DOCK9: variants seen among roughly 807,000 people sequenced by gnomAD.
DOCK9 encodes dedicator of cytokinesis 9.
In DOCK9, 89 loss-of-function variants were observed where a neutral mutation model predicts 263.3. The observed-to-expected ratio is 0.34, with a 90% CI of 0.28 to 0.40. The LOEUF (loss-of-function observed/expected upper bound fraction) is 0.40. DOCK9 is among the 10% of genes least tolerant of loss of function. DOCK9 has a pLI of 1.00. For missense variants in DOCK9, 2,140 were observed against 2,603.4 expected (o/e 0.82, Z 3.87); for synonymous variants, 976 against 973.1 (o/e 1.00, Z -0.06).
chr13:98,881,801 T>A, intron 24 of DOCK9, 91 bp downstream of exon 24: 1 of 1,303,648 alleles, frequency 7.7e-7, no homozygotes, highest in Non-Finnish European at 1.1e-6. Context: ...AATGTAATGT[T>A]CAGCACACAG....
At chr13:99,053,003 C>T (rs1008043015) in intron 1 of DOCK9, among the ~76,000 whole-genome samples, 5 of 152,110 alleles carry the variant, frequency 3.3e-5, no homozygotes, top group Non-Finnish European at 5.9e-5. Context: ...AGTAGGGATT[C>T]GCCGTTGGGA....
At chr13:98,950,216 A>G in intron 2 of DOCK9, 1 of 1,045,760 alleles carries the variant, frequency 9.6e-7, no homozygotes, top group Non-Finnish European at 1.4e-6. Flanking sequence ...GGCAATTCCA[A>G]GGCATGAGGT....
intron 1 of DOCK9, among the ~76,000 whole-genome samples, chr13:98,984,371 G>A (rs1334340400): frequency 6.6e-6 from 1 of 152,200 alleles, no homozygotes; most frequent in Non-Finnish European, 1.5e-5. Flanking sequence ...TCAGTAAATG[G>A]ATCATTTGAA....
intron 39 of DOCK9, chr13:98,833,038 C>A (rs758795307): frequency 2.6e-5 from 4 of 152,000 alleles, no homozygotes; most frequent in African/African-American, 4.8e-5. Context: ...GGCAGAACAC[C>A]TGGAATTCAC....
chr13:98,892,498 T>TA (rs924451022), intron 15 of DOCK9, among the ~76,000 whole-genome samples: 21 of 151,242 alleles, frequency 1.4e-4, no homozygotes, highest in South Asian at 4.2e-4. Flanking sequence ...TGGTGTCACT[T>TA]AAAAAAAAAC....
intron 15 of DOCK9, among the ~76,000 whole-genome samples, chr13:98,890,930 T>A (rs2046522871): frequency 6.6e-6 from 1 of 152,220 alleles, no homozygotes; most frequent in Admixed American, 6.5e-5. Context: ...AAATGAACAG[T>A]TCCTGAAAGA....
chr13:98,903,219 C>T lies in DOCK9; in HGVS notation c.1036-107G>A, dbSNP rs139142615. 3.5e-6 allele frequency: 3 copies of T among 861,140 alleles called. No homozygotes were observed. In the Admixed American group the frequency reaches 1.0e-4, roughly 30 times the overall value. The allele number at this position is 861,140 out of a possible 1,614,324, so 53.3% of individuals were successfully genotyped here. On this transcript the variant is annotated intron_variant, in intron 10 of 52. Transcript: ENST00000682017. ...ATAAAATATGGAAAAGCTATATACA[C>T]TTATTTACTCACAATAGTGTTGCTA... is the stretch of plus-strand genomic sequence containing the variant.
In DOCK9 at chr13:98,810,844, T is replaced by C. The variant is rs368436214; in HGVS notation, c.5131-553A>G. On this transcript the variant is annotated intron_variant, in intron 45 of 52. Coordinates refer to ENST00000682017, the MANE Select transcript of DOCK9 (RefSeq NM_001366683.2). ...CTTTGGAGGAAGTTAACACTACCCA[T>C]GGCTTAAGAATTGTGGCCTGGACTT... Among the ~76,000 whole-genome samples the C allele has an allele frequency of 1.2e-3, 176 of 152,316 alleles. 2 individuals are homozygous for C. Among genetic ancestry groups the C allele is most frequent in the African/African-American group, 4.0e-3 (167 of 41,592 alleles).
intron 27 of DOCK9, among the ~76,000 whole-genome samples, chr13:98,870,940 T>TTAAGAATCAA (rs2094169893): frequency 6.7e-6 from 1 of 149,564 alleles, no homozygotes; most frequent in South Asian, 2.1e-4. Flanking sequence ...AGAGAACAGT[T>TTAAGAATCAA]TAAGAATCAA....
chr13:99,001,829 G>T (rs1382286730), intron 1 of DOCK9, among the ~76,000 whole-genome samples: 1 of 152,192 alleles, frequency 6.6e-6, no homozygotes, highest in East Asian at 1.9e-4. Context: ...ACCTCACTTG[G>T]TATTTGTAAT....
intron 45 of DOCK9, among the ~76,000 whole-genome samples, chr13:98,817,774 TAA>T (rs34195275): frequency 0.24 from 27,197 of 115,546 alleles, 2,829 homozygotes; most frequent in East Asian, 0.44. Context: ...TTATATTTGC[TAA>T]AAAAAAAAAA....
intron 2 of DOCK9, among the ~76,000 whole-genome samples, chr13:98,940,924 C>T (rs1345670592): frequency 6.6e-6 from 1 of 152,178 alleles, no homozygotes; most frequent in Non-Finnish European, 1.5e-5. Flanking sequence ...CATGCCTCAG[C>T]TGAAATTCTT....
intron 30 of DOCK9, among the ~76,000 whole-genome samples, chr13:98,864,601 T>G (rs1445187833): frequency 6.6e-6 from 1 of 152,238 alleles, no homozygotes. Context: ...AAACTATAAG[T>G]CATAGCTTGA....
chr13:98,794,840 T>C (rs1163920907), intron 52 of DOCK9, 92 bp from the exon 53 acceptor site: 10 of 1,427,708 alleles, frequency 7.0e-6, no homozygotes, highest in Non-Finnish European at 9.7e-6. Flanking sequence ...TTACCAAGTG[T>C]AACAAAATGT....
Position 98,868,029 on chromosome 13 carries a change from CAA to C in DOCK9, c.3091-20_3091-19del. ...AAACATCTCTGTGGAGGAAAACAAG[CAA>C]AAAAGTTATTTCAGGTCCAAACATT... On this transcript the variant is annotated intron_variant, in intron 28 of 52. Transcript: ENST00000682017. 1 of 1,607,568 alleles carries C rather than the reference CAA, an allele frequency of 6.2e-7. No homozygotes were observed.
chr13:99,004,179 T>C (rs908436540), intron 1 of DOCK9, among the ~76,000 whole-genome samples: 11 of 152,194 alleles, frequency 7.2e-5, no homozygotes, highest in African/African-American at 2.7e-4. Flanking sequence ...ACCCCCATCA[T>C]GGCCCATATC....
intron 1 of DOCK9, among the ~76,000 whole-genome samples, chr13:99,082,800 A>T (rs181306249): frequency 2.0e-5 from 3 of 152,328 alleles, no homozygotes; most frequent in Admixed American, 2.0e-4. Context: ...ATTATCTCCA[A>T]TCTACAGATG....
intron 1 of DOCK9, among the ~76,000 whole-genome samples, chr13:99,007,578 A>G (rs1883568354): frequency 6.6e-6 from 1 of 152,140 alleles, no homozygotes; most frequent in Non-Finnish European, 1.5e-5. Context: ...TGAAATAGCT[A>G]TATCAACTCT....
At chr13:98,995,690 G>A (rs1466564777) in intron 1 of DOCK9, among the ~76,000 whole-genome samples, 5 of 151,836 alleles carry the variant, frequency 3.3e-5, no homozygotes, top group South Asian at 2.1e-4. Flanking sequence ...GGGTTTCAGC[G>A]TGTTAGCCAG....
Sources: gnomAD v4.1 joint callset for allele counts (sites outside exome capture counted in the v4.1 genomes callset) on GRCh38, gnomAD v4.1.1 for gene constraint, MANE v1.5 for transcripts, NCBI Gene and HGNC (gene_info 2026-07-23, HGNC 2026-07-21) for gene names.